LEMD3: variants seen among roughly 807,000 people sequenced by gnomAD.
LEMD3 encodes the protein LEM domain containing 3.
In LEMD3, 33 loss-of-function variants were observed where a neutral mutation model predicts 95.2. The observed-to-expected ratio is 0.35, with a 90% confidence interval of 0.26 to 0.46. The LOEUF is 0.46. LEMD3 is among the 20% of genes least tolerant of loss of function. LEMD3 has a pLI of 1.00. For synonymous variants in LEMD3, 525 were observed against 474.6 expected (o/e 1.11, Z -1.38); for missense variants, 1,210 against 1,192.8 (o/e 1.01, Z -0.21).
chr12:65,194,570 G>A (rs1869349968), intron 1 of LEMD3, among the ~76,000 whole-genome samples: 1 of 151,658 alleles, frequency 6.6e-6, no homozygotes, highest in South Asian at 2.1e-4. Flanking sequence ...GCTGTTGGTG[G>A]TCCGAAACAT....
intron 4 of LEMD3, among the ~76,000 whole-genome samples, chr12:65,221,151 A>G (rs777260349): frequency 3.0e-5 from 4 of 134,968 alleles, no homozygotes; most frequent in Admixed American, 1.4e-4. Flanking sequence ...ATGTCTTTCT[A>G]TTTATTTGTG....
Position 65,229,310 on chromosome 12 carries a change from T to G in LEMD3, c.1696-9192T>G, listed in dbSNP as rs183864584. ...TCTGTTAATGAGCACTTAGGTTGAT[T>G]CCATATTATTGTTAATAATGCGGCA... On this transcript the variant is annotated intron_variant, in intron 4 of 12. Transcript: ENST00000308330. Among the ~76,000 whole-genome samples the G allele has an allele frequency of 1.8e-3, 269 of 152,318 alleles. 1 individual carries two copies. The highest frequency in any genetic ancestry group is 6.2e-3 in the African/African-American group (258 of 41,566).
intron 1 of LEMD3, among the ~76,000 whole-genome samples, chr12:65,188,183 T>C (rs1161051704): frequency 2.0e-5 from 3 of 151,314 alleles, no homozygotes; most frequent in Non-Finnish European, 3.0e-5. Flanking sequence ...CAGTATAGTA[T>C]AAAGACTCTT....
intron 1 of LEMD3, among the ~76,000 whole-genome samples, chr12:65,190,728 G>C (rs1486596397): frequency 6.6e-6 from 1 of 152,092 alleles, no homozygotes; most frequent in Non-Finnish European, 1.5e-5. Context: ...GTCATGGGTG[G>C]GTCCTTAACC....
chr12:65,216,012 T>G lies in LEMD3; in HGVS notation c.1596T>G (p.Tyr532Ter). The change falls in exon 3 of 13, where the codon TAT becomes TAG. Residue 532 changes from tyrosine (Y) to a stop codon, truncating the protein, a stop_gained. Transcript: ENST00000308330. LOFTEE classifies it high-confidence loss of function. ...AAACTCTTATGATGAACACATTATA[T>G]AAGCTTCATGATCGATTGGCACAGC... ...SEKTLMMNTL[Y>*]KLHDRLAQLA... The G allele has an allele frequency of 6.3e-7, 1 of 1,591,742 alleles. No homozygotes were observed. Among genetic ancestry groups the G allele is most frequent in the Non-Finnish European group, 8.6e-7 (1 of 1,163,366 alleles).
rs768011921 is a variant in LEMD3, at chr12:65,169,616, C to G, written c.20C>G (p.Ser7Trp). The G allele has an allele frequency of 2.5e-6, 4 of 1,588,042 alleles. No individual in the cohort carries two copies. The highest frequency in any genetic ancestry group is 1.1e-5 in the South Asian group (1 of 87,664). MAAAAA[S>W]APQQLSDEEL... ...GAGAAAATGGCGGCGGCAGCAGCTT[C>G]GGCGCCTCAGCAGCTCTCGGATGAG... The change falls in exon 1 of 13, where the codon TCG becomes TGG. Residue 7 changes from serine (S) to tryptophan (W), a missense_variant. Around this residue, in one of 2 missense-constraint regions of LEMD3, gnomAD observed 749 missense variants for 622.9 expected, o/e 1.20. Coordinates refer to ENST00000308330, the MANE Select transcript of LEMD3 (RefSeq NM_014319.5).
chr12:65,214,019 G>T (rs1460879584), intron 2 of LEMD3, among the ~76,000 whole-genome samples: 1 of 152,122 alleles, frequency 6.6e-6, no homozygotes, highest in Non-Finnish European at 1.5e-5. Flanking sequence ...TGATTTTGTG[G>T]TTTAATGTAT....
intron 1 of LEMD3, 162 bp downstream of exon 1, chr12:65,171,280 A>G (rs1430642386): frequency 8.7e-6 from 11 of 1,267,708 alleles, no homozygotes; most frequent in Non-Finnish European, 2.2e-6. Flanking sequence ...AAAGAACACC[A>G]TTATCGAAAT....
At position 65,219,804 on chromosome 12, in the gene LEMD3, A is replaced by G. The variant is rs141712452; in HGVS notation, c.1695+1185A>G. On this transcript the variant is annotated intron_variant, in intron 4 of 12. Coordinates refer to ENST00000308330, the MANE Select transcript of LEMD3 (RefSeq NM_014319.5). ...TACCTCATATAAGTTGAATCCTGCA[A>G]TTTTTGTCCTGTGACTGGCTTATTT... is the stretch of plus-strand genomic sequence containing the variant. 2.0e-3 allele frequency among the ~76,000 whole-genome samples: 311 copies of G among 152,212 alleles called. 4 individuals carry two copies. The Middle Eastern group carries it at 0.031, about 15-fold the overall frequency.
chr12:65,171,387 A>G (rs960897751), intron 1 of LEMD3: 17 of 452,994 alleles, frequency 3.8e-5, no homozygotes, highest in African/African-American at 3.0e-4. Context: ...AGTAAAACTC[A>G]TTTGTATATG....
intron 4 of LEMD3, among the ~76,000 whole-genome samples, chr12:65,222,832 TTG>T (rs1870333430): frequency 6.6e-6 from 1 of 151,936 alleles, no homozygotes; most frequent in East Asian, 1.9e-4. Context: ...TTTTGTTAGG[TTG>T]TGTTTTTTAT....
At chr12:65,208,765 T>G (rs1028577761) in intron 1 of LEMD3, among the ~76,000 whole-genome samples, 1 of 152,138 alleles carries the variant, frequency 6.6e-6, no homozygotes, top group African/African-American at 2.4e-5. Flanking sequence ...ATTTAATAGG[T>G]GGCAATTATC....
Position 65,171,370 on chromosome 12 carries a change from G to A in LEMD3, c.1522+252G>A. 3 of 512,290 alleles carry A rather than the reference G, an allele frequency of 5.9e-6. No homozygotes were observed. The South Asian group carries it at 6.3e-5, about 11-fold the overall frequency. 31.7% of individuals were successfully genotyped at this position (512,290 alleles called of 1,614,324 possible). On this transcript the variant is annotated intron_variant, in intron 1 of 12. Coordinates refer to ENST00000308330, the MANE Select transcript of LEMD3 (RefSeq NM_014319.5). Reference sequence around the variant, plus strand: ...AACAATTTTTAAAAGAATATTATAAGCTTGTTAGTAAAACTCATTTGTATA... The same window carrying A: ...AACAATTTTTAAAAGAATATTATAAACTTGTTAGTAAAACTCATTTGTATA...
chr12:65,210,068 A>G (rs1283066441), intron 1 of LEMD3, among the ~76,000 whole-genome samples: 1 of 152,090 alleles, frequency 6.6e-6, no homozygotes, highest in African/African-American at 2.4e-5. Context: ...TCTGAATAAA[A>G]ACCCTGAGAG....
intron 1 of LEMD3, among the ~76,000 whole-genome samples, chr12:65,172,496 T>C (rs979250557): frequency 2.0e-5 from 3 of 152,200 alleles, no homozygotes; most frequent in Non-Finnish European, 1.5e-5. Context: ...AGATTTTTAC[T>C]CTGTTGCTTA....
intron 1 of LEMD3, among the ~76,000 whole-genome samples, chr12:65,176,683 T>C (rs1020255070): frequency 5.3e-5 from 8 of 152,194 alleles, no homozygotes; most frequent in African/African-American, 1.9e-4. Flanking sequence ...CTTTTTAAAG[T>C]AGACTATACT....
intron 2 of LEMD3, among the ~76,000 whole-genome samples, chr12:65,214,955 T>C (rs1274426202): frequency 6.6e-6 from 1 of 152,188 alleles, no homozygotes; most frequent in African/African-American, 2.4e-5. Flanking sequence ...CTGGACTCTT[T>C]TCATACAATT....
intron 1 of LEMD3, among the ~76,000 whole-genome samples, chr12:65,193,748 G>GTGTA (rs1314757398): frequency 6.7e-6 from 1 of 149,582 alleles, no homozygotes; most frequent in East Asian, 2.0e-4. Flanking sequence ...GTGTGTGTGT[G>GTGTA]TGTGTGTGTG....
Position 65,194,844 on chromosome 12 carries a change from T to TC in LEMD3, c.1523-16082_1523-16081insC, listed in dbSNP as rs1565784586. Reference sequence around the variant, plus strand: ...TTAGATTATAATTTATAAATTATAATTTAGATTATAATTTATAAATTATAA... The same window carrying TC: ...TTAGATTATAATTTATAAATTATAATCTTAGATTATAATTTATAAATTATAA... On this transcript the variant is annotated intron_variant, in intron 1 of 12. Coordinates refer to ENST00000308330, the MANE Select transcript of LEMD3 (RefSeq NM_014319.5). 5.3e-3 allele frequency among the ~76,000 whole-genome samples: 790 copies of TC among 147,824 alleles called. 43 individuals carry two copies. Among genetic ancestry groups the TC allele is most frequent in the African/African-American group, 0.018 (738 of 40,818 alleles).
Sources: allele counts gnomAD v4.1 joint callset (sites outside exome capture counted in the v4.1 genomes callset), GRCh38; gene constraint gnomAD v4.1.1; regional missense constraint gnomAD v4.1.1; transcripts MANE v1.5; gene names NCBI Gene and HGNC (gene_info 2026-07-23, HGNC 2026-07-21).